Variants in NRXN3 observed in about 807,000 individuals in gnomAD.
NRXN3 encodes neurexin 3.
NRXN3 carries 32 observed loss-of-function variants against 137.6 expected under a neutral mutation model. The observed-to-expected ratio is 0.23, with a 90% CI of 0.18 to 0.31. The LOEUF (loss-of-function observed/expected upper bound fraction) is 0.31, where lower values mean the gene tolerates loss of function less well. NRXN3 is among the 10% of genes least tolerant of loss of function. The pLI is 1.00. For missense variants in NRXN3, 1,574 were observed against 2,062.5 expected, an observed-to-expected ratio of 0.76 and a Z score of 4.59; for synonymous variants, 798 against 784.5, an observed-to-expected ratio of 1.02 and a Z score of -0.29.
At chr14:78,611,293 A>G (rs2097298390) in intron 4 of NRXN3, among the ~76,000 whole-genome samples, 1 of 152,160 alleles carries the variant, frequency 6.6e-6, no homozygotes, top group Non-Finnish European at 1.5e-5. Context: ...TTACTGTACC[A>G]GCACCAGTTT....
intron 15 of NRXN3, among the ~76,000 whole-genome samples, chr14:79,329,222 C>T (rs2091329652): frequency 6.6e-6 from 1 of 152,152 alleles, no homozygotes. Flanking sequence ...GAATCTTCTA[C>T]TCCCGGGGTA....
At chr14:78,679,456 C>T (rs2098049471) in intron 6 of NRXN3, among the ~76,000 whole-genome samples, 1 of 152,120 alleles carries the variant, frequency 6.6e-6, no homozygotes, top group African/African-American at 2.4e-5. Flanking sequence ...TTATATTATT[C>T]AGCTTAGCCT....
chr14:79,391,943 AG>A (rs761868544), intron 15 of NRXN3, among the ~76,000 whole-genome samples: 9 of 152,196 alleles, frequency 5.9e-5, no homozygotes, highest in Non-Finnish European at 1.3e-4. Context: ...CCTCCTAGAG[AG>A]GGGGGATTTC....
In NRXN3 at chr14:78,729,040, A is replaced by G. The variant is rs922395440; in HGVS notation, c.2044+13901A>G. On this transcript the variant is annotated intron_variant, in intron 8 of 20. Transcript: ENST00000335750. ...ATCAAAAAGCCATTCTGGGGTTGTT[A>G]TGATGCTTCAATAACATAATTGTGT... Among the ~76,000 whole-genome samples, 5 of 152,368 alleles carry G rather than the reference A, an allele frequency of 3.3e-5. No homozygotes were observed. In the East Asian group the frequency reaches 5.8e-4, roughly 18 times the overall value.
chr14:79,464,532 A>G (rs986191211), intron 15 of NRXN3, among the ~76,000 whole-genome samples: 7 of 152,170 alleles, frequency 4.6e-5, no homozygotes, highest in Admixed American at 3.3e-4. Flanking sequence ...AGGATTGTGG[A>G]TGAAAACTAC....
chr14:78,825,007 G>T (rs941486666), intron 10 of NRXN3, among the ~76,000 whole-genome samples: 2 of 151,782 alleles, frequency 1.3e-5, no homozygotes, highest in African/African-American at 4.8e-5. Context: ...CCTAAATAGT[G>T]GTTGTTCAAA....
At chr14:78,504,773 T>A (rs1033993268) in intron 4 of NRXN3, among the ~76,000 whole-genome samples, 1 of 152,196 alleles carries the variant, frequency 6.6e-6, no homozygotes, top group Non-Finnish European at 1.5e-5. Flanking sequence ...ACCCTATCTA[T>A]GTGCTTTCAG....
intron 15 of NRXN3, among the ~76,000 whole-genome samples, chr14:79,012,654 A>G (rs1276082011): frequency 6.6e-6 from 1 of 152,130 alleles, no homozygotes; most frequent in Non-Finnish European, 1.5e-5. Flanking sequence ...CACTTTCCAG[A>G]AGACACAGGT....
At chr14:79,846,519 G>A (rs1203243724) in intron 20 of NRXN3, among the ~76,000 whole-genome samples, 1 of 152,216 alleles carries the variant, frequency 6.6e-6, no homozygotes, top group Non-Finnish European at 1.5e-5. Flanking sequence ...AGAAGGAAGA[G>A]AGAATGGATA....
chr14:79,107,709 A>ACCATTTGCCAGTGG (rs2052703728), intron 15 of NRXN3, among the ~76,000 whole-genome samples: 1 of 152,094 alleles, frequency 6.6e-6, no homozygotes, highest in African/African-American at 2.4e-5. Context: ...TAGAGAGAGA[A>ACCATTTGCCAGTGG]TTAATAGAAA....
chr14:78,457,090 G>A (rs1185351676), intron 4 of NRXN3, among the ~76,000 whole-genome samples: 1 of 146,014 alleles, frequency 6.8e-6, no homozygotes, highest in African/African-American at 2.6e-5. Flanking sequence ...CCAGGCTGGA[G>A]TGCGGTGGTT....
At chr14:78,304,471 A>G (rs1245149502) in intron 4 of NRXN3, among the ~76,000 whole-genome samples, 1 of 152,224 alleles carries the variant, frequency 6.6e-6, no homozygotes, top group Non-Finnish European at 1.5e-5. Context: ...TGGGCAGGAC[A>G]TGGCCAGAAA....
At chr14:78,996,262 G>A (rs969284920) in intron 15 of NRXN3, among the ~76,000 whole-genome samples, 1 of 151,936 alleles carries the variant, frequency 6.6e-6, no homozygotes, top group Admixed American at 6.6e-5. Flanking sequence ...TAAACCCCAC[G>A]GCAACCCTAA....
intron 16 of NRXN3, among the ~76,000 whole-genome samples, chr14:79,608,872 C>T (rs1345248446): frequency 6.6e-6 from 1 of 151,832 alleles, no homozygotes. Flanking sequence ...TATTGACGAG[C>T]CATTTCCAAT....
At chr14:79,309,850 A>G (rs1157484655) in intron 15 of NRXN3, among the ~76,000 whole-genome samples, 2 of 132,224 alleles carry the variant, frequency 1.5e-5, no homozygotes, top group Non-Finnish European at 3.1e-5. Flanking sequence ...TCAGATGAGT[A>G]GGTTGTGAAA....
intron 4 of NRXN3, among the ~76,000 whole-genome samples, chr14:78,536,042 C>A (rs1226839591): frequency 6.6e-6 from 1 of 152,084 alleles, no homozygotes; most frequent in Non-Finnish European, 1.5e-5. Context: ...AAAATGGGGT[C>A]TGAGAGTGTT....
chr14:78,263,534 C>T (rs773329433), intron 2 of NRXN3, among the ~76,000 whole-genome samples: 5 of 152,112 alleles, frequency 3.3e-5, no homozygotes, highest in African/African-American at 1.2e-4. Context: ...TATAATTCCT[C>T]GATTCATTTT....
chr14:79,801,056 C>T (rs1198181972), intron 19 of NRXN3, among the ~76,000 whole-genome samples: 2 of 152,108 alleles, frequency 1.3e-5, no homozygotes, highest in Admixed American at 1.3e-4. Flanking sequence ...TGTTGCATGC[C>T]AGGTTCTTGA....
intron 15 of NRXN3, among the ~76,000 whole-genome samples, chr14:79,198,254 G>A (rs2065417669): frequency 6.6e-6 from 1 of 152,130 alleles, no homozygotes; most frequent in Non-Finnish European, 1.5e-5. Flanking sequence ...ATATTTAAAA[G>A]TTATTTTGAC....
Sources: gnomAD v4.1 joint callset for allele counts (sites outside exome capture counted in the v4.1 genomes callset) on GRCh38, gnomAD v4.1.1 for gene constraint, MANE v1.5 for transcripts, NCBI Gene and HGNC (gene_info 2026-07-23, HGNC 2026-07-21) for gene names.